The following PCDH11X variants were observed in gnomAD, a reference collection of about 807,000 sequenced individuals.
The protein encoded by PCDH11X is protocadherin 11 X-linked.
PCDH11X carries 18 observed loss-of-function variants against 53.3 expected under a neutral mutation model. That is an observed-to-expected ratio of 0.34 (90% CI 0.23 to 0.50). The LOEUF is 0.50. Ranked by LOEUF, PCDH11X falls within the 20% of genes least tolerant of loss-of-function variation. PCDH11X has a pLI of 0.98. For missense variants in PCDH11X, 570 were observed against 1,032.4 expected (o/e 0.55, Z 6.14); for synonymous variants, 279 against 393.3 (o/e 0.71, Z 3.44).
chrX:92,118,242 C>G (rs868470303), intron 6 of PCDH11X, among the ~76,000 whole-genome samples: 73 of 109,926 alleles, frequency 6.6e-4, no homozygotes, highest in African/African-American at 2.4e-3. Context: ...TTGGTTTTCC[C>G]TTCATAATAA....
intron 6 of PCDH11X, among the ~76,000 whole-genome samples, chrX:92,081,947 A>G (rs1042351658): frequency 4.5e-5 from 5 of 111,218 alleles, no homozygotes; most frequent in African/African-American, 1.3e-4. Flanking sequence ...AAAGTACCCA[A>G]TGGGCTGAGT....
intron 7 of PCDH11X, among the ~76,000 whole-genome samples, chrX:92,255,774 G>A (rs939537728): frequency 8.9e-6 from 1 of 112,492 alleles, no homozygotes; most frequent in African/African-American, 3.2e-5. Context: ...ACCCACTTGA[G>A]GAGGCAGTCT....
At chrX:91,962,304 C>T (rs1228811887) in intron 6 of PCDH11X, among the ~76,000 whole-genome samples, 2 of 112,438 alleles carry the variant, frequency 1.8e-5, no homozygotes, top group African/African-American at 3.2e-5. Context: ...TGGGTAAATA[C>T]ATCCATTCCA....
chrX:92,398,034 C>T (rs2071285661), intron 9 of PCDH11X, among the ~76,000 whole-genome samples: 1 of 110,640 alleles, frequency 9.0e-6, no homozygotes, highest in Non-Finnish European at 1.9e-5. Flanking sequence ...ATTCAAAGTG[C>T]CATAGTATTG....
intron 8 of PCDH11X, among the ~76,000 whole-genome samples, chrX:92,386,905 T>C (rs2573859): frequency 0.35 from 30,236 of 87,617 alleles, 6,313 homozygotes; most frequent in Non-Finnish European, 0.41. Flanking sequence ...TCTCAGGCTA[T>C]TTGAAAGTCT....
intron 8 of PCDH11X, among the ~76,000 whole-genome samples, chrX:92,377,309 G>C (rs2070774033): frequency 9.0e-6 from 1 of 110,696 alleles, no homozygotes; most frequent in African/African-American, 3.3e-5. Context: ...ATTTTATTAT[G>C]AATGAAGGTG....
chrX:92,370,315 G>T (rs1324178629), intron 8 of PCDH11X, among the ~76,000 whole-genome samples: 4 of 107,240 alleles, frequency 3.7e-5, no homozygotes, highest in African/African-American at 1.4e-4. Flanking sequence ...TAGTTTTATG[G>T]CCATATATAT....
intron 10 of PCDH11X, among the ~76,000 whole-genome samples, chrX:92,470,651 T>C (rs1194879293): frequency 1.7e-4 from 19 of 111,858 alleles, no homozygotes; most frequent in African/African-American, 6.2e-4. Flanking sequence ...GAGAATTTTT[T>C]TAAATGAAGG....
intron 10 of PCDH11X, among the ~76,000 whole-genome samples, chrX:92,555,049 C>T (rs2750518): frequency 6.3e-5 from 7 of 111,731 alleles, no homozygotes; most frequent in Admixed American, 4.8e-4. Context: ...GGTTTCGCGA[C>T]GTATATTTTT....
At chrX:92,484,891 A>G (rs2073610519) in intron 10 of PCDH11X, among the ~76,000 whole-genome samples, 1 of 111,141 alleles carries the variant, frequency 9.0e-6, no homozygotes, top group Admixed American at 9.6e-5. Flanking sequence ...TGAGGAGGAA[A>G]CATAAAAAAG....
intron 6 of PCDH11X, among the ~76,000 whole-genome samples, chrX:92,195,878 G>A (rs2066284616): frequency 8.9e-6 from 1 of 112,079 alleles, no homozygotes; most frequent in Admixed American, 9.5e-5. Flanking sequence ...GTGCCATGCT[G>A]TTGATAAACA....
chrX:92,431,479 G>A (rs1282027900), intron 9 of PCDH11X, among the ~76,000 whole-genome samples: 1 of 110,318 alleles, frequency 9.1e-6, no homozygotes, highest in African/African-American at 3.3e-5. Flanking sequence ...CGTATAAGGA[G>A]GTAAGGGGAA....
At chrX:92,408,152 G>C (rs1049936885) in intron 9 of PCDH11X, among the ~76,000 whole-genome samples, 1 of 110,740 alleles carries the variant, frequency 9.0e-6, no homozygotes, top group Non-Finnish European at 1.9e-5. Context: ...CAAAGTGCTG[G>C]GATTACAGGT....
At chrX:92,336,290 G>T (rs397833593) in intron 8 of PCDH11X, among the ~76,000 whole-genome samples, 1 of 111,347 alleles carries the variant, frequency 9.0e-6, no homozygotes, top group African/African-American at 3.3e-5. Flanking sequence ...CTGAAATAAG[G>T]TGACTTCAAG....
chrX:92,131,168 A>C (rs914029366), intron 6 of PCDH11X, among the ~76,000 whole-genome samples: 5 of 111,766 alleles, frequency 4.5e-5, no homozygotes, highest in African/African-American at 1.6e-4. Flanking sequence ...CTAATGTCTT[A>C]GATTCCACCA....
chrX:92,136,363 G>A (rs2065083284), intron 6 of PCDH11X, among the ~76,000 whole-genome samples: 1 of 110,300 alleles, frequency 9.1e-6, no homozygotes, highest in Non-Finnish European at 1.9e-5. Context: ...TAGGAGATAA[G>A]GTCAGAGAGG....
At chrX:92,254,627 G>A (rs1466072697) in intron 7 of PCDH11X, among the ~76,000 whole-genome samples, 1 of 109,152 alleles carries the variant, frequency 9.2e-6, no homozygotes, top group African/African-American at 3.4e-5. Context: ...CTCTTTTAGG[G>A]CAGGCCTGGT....
chrX:92,235,177 TTAAA>T (rs1162384677), intron 7 of PCDH11X, among the ~76,000 whole-genome samples: 1 of 111,136 alleles, frequency 9.0e-6, no homozygotes, highest in Non-Finnish European at 1.9e-5. Context: ...CAAAATTTTT[TTAAA>T]TATATTATAG....
intron 6 of PCDH11X, among the ~76,000 whole-genome samples, chrX:92,089,916 C>T (rs1333799369): frequency 9.4e-6 from 1 of 106,247 alleles, no homozygotes; most frequent in African/African-American, 3.4e-5. Flanking sequence ...TGACAGACTG[C>T]TCAGAGGCTG....
Sources: allele counts gnomAD v4.1 joint callset (sites outside exome capture counted in the v4.1 genomes callset), GRCh38; gene constraint gnomAD v4.1.1; transcripts MANE v1.5; gene names NCBI Gene and HGNC (gene_info 2026-07-23, HGNC 2026-07-21).